Variants in ZNF292 observed in about 807,000 individuals in gnomAD.
ZNF292 encodes the protein 16 zinc-finger domain protein.
In ZNF292, 26 loss-of-function variants were observed where a neutral mutation model predicts 217.9. The observed-to-expected ratio is 0.12, with a 90% CI of 0.09 to 0.17. The LOEUF is 0.17. Ranked by LOEUF, ZNF292 falls within the 10% of genes least tolerant of loss-of-function variation. The pLI is 1.00. For missense variants in ZNF292, 2,904 were observed against 3,175.2 expected, an observed-to-expected ratio of 0.91 and a Z score of 2.05; for synonymous variants, 1,257 against 1,124.1, an observed-to-expected ratio of 1.12 and a Z score of -2.37.
intron 1 of ZNF292, among the ~76,000 whole-genome samples, chr6:87,210,503 T>G (rs540023030): frequency 1.3e-5 from 2 of 151,978 alleles, no homozygotes; most frequent in Non-Finnish European, 2.9e-5. Context: ...CAAATAACTT[T>G]GTGGGGATCT....
At position 87,170,815 on chromosome 6, in the gene ZNF292, G is replaced by A. The variant is rs1771073636; in HGVS notation, c.168+15056G>A. Among the ~76,000 whole-genome samples the A allele has an allele frequency of 2.0e-5, 3 of 152,178 alleles. No homozygotes were observed. In the South Asian group the frequency reaches 6.2e-4, roughly 32 times the overall value. On this transcript the variant is annotated intron_variant, in intron 1 of 7. Transcript: ENST00000369577. ...TTGGTTTTTTCACATATTGTTTATT[G>A]TGACCTTGGCATGCCACTTGTAGCT...
chr6:87,192,644 C>T (rs1771851501), intron 1 of ZNF292, among the ~76,000 whole-genome samples: 1 of 152,274 alleles, frequency 6.6e-6, no homozygotes, highest in African/African-American at 2.4e-5. Context: ...CACATATAGA[C>T]AATGCCTTTT....
chr6:87,237,120 GC>G (rs914388082), intron 5 of ZNF292, among the ~76,000 whole-genome samples: 2 of 152,134 alleles, frequency 1.3e-5, no homozygotes, highest in African/African-American at 4.8e-5. Flanking sequence ...ATATTTGCTA[GC>G]CCAAGAGTTA....
intron 5 of ZNF292, among the ~76,000 whole-genome samples, chr6:87,233,920 C>G (rs1320633570): frequency 6.6e-6 from 1 of 152,124 alleles, no homozygotes; most frequent in African/African-American, 2.4e-5. Context: ...TGACTTATCT[C>G]TGGAAATACT....
chr6:87,204,995 C>T (rs1214900418), intron 1 of ZNF292, among the ~76,000 whole-genome samples: 1 of 152,062 alleles, frequency 6.6e-6, no homozygotes, highest in Non-Finnish European at 1.5e-5. Context: ...TGAATTTTCC[C>T]ACTCTTCCTT....
intron 3 of ZNF292, 52 bp downstream of exon 3, chr6:87,216,429 CCTTA>C (rs1772780616): frequency 7.4e-7 from 1 of 1,342,952 alleles, no homozygotes; most frequent in Non-Finnish European, 1.0e-6. Context: ...TGTCAGTTTT[CCTTA>C]CTCTTAAAAA....
chr6:87,179,090 A>G (rs1771387919), intron 1 of ZNF292, among the ~76,000 whole-genome samples: 1 of 151,558 alleles, frequency 6.6e-6, no homozygotes, highest in South Asian at 2.1e-4. Context: ...CAATCTTTAA[A>G]TATTAATATA....
intron 1 of ZNF292, among the ~76,000 whole-genome samples, chr6:87,179,279 G>T (rs1771395584): frequency 6.7e-6 from 1 of 149,716 alleles, no homozygotes; most frequent in African/African-American, 2.5e-5. Context: ...TCCTGCCACA[G>T]CTTCCCGAGT....
rs750598483 is a variant in ZNF292, at chr6:87,260,577, G to A, written c.6948G>A (p.Arg2316=). Residue 2316 remains arginine, a synonymous_variant, in exon 8 of 8, where the codon CGG becomes CGA. Transcript: ENST00000369577. ...AAGAAAAATCAAAGTCTAAACATCG[G>A]GGGACCAAGCACAGCAGATGTGGAA... ...ANQEKSKSKH[R]GTKHSRCGKE... 4 of 1,612,936 alleles carry A rather than the reference G, an allele frequency of 2.5e-6. No homozygotes were observed. The highest frequency in any genetic ancestry group is 1.6e-4 in the Middle Eastern group (1 of 6,082).
intron 5 of ZNF292, among the ~76,000 whole-genome samples, chr6:87,242,105 A>C (rs1774321253): frequency 6.6e-6 from 1 of 152,232 alleles, no homozygotes; most frequent in South Asian, 2.1e-4. Flanking sequence ...AGTGTGTTTA[A>C]CATATTGTAG....
chr6:87,179,366 G>A (rs1177725804), intron 1 of ZNF292, among the ~76,000 whole-genome samples: 1 of 151,910 alleles, frequency 6.6e-6, no homozygotes, highest in East Asian at 1.9e-4. Flanking sequence ...TCACCATGTT[G>A]GCCAGGAGGG....
chr6:87,223,583 A>G (rs1364452743), intron 4 of ZNF292: 1 of 152,238 alleles, frequency 6.6e-6, no homozygotes, highest in Non-Finnish European at 1.5e-5. Flanking sequence ...CTGGAATTCT[A>G]CACAGGAGAT....
intron 4 of ZNF292, among the ~76,000 whole-genome samples, chr6:87,229,479 T>G (rs987239969): frequency 2.0e-5 from 3 of 152,072 alleles, no homozygotes; most frequent in African/African-American, 7.2e-5. Context: ...CAGGCTGGAG[T>G]GCAATGGCGC....
intron 7 of ZNF292, among the ~76,000 whole-genome samples, chr6:87,250,906 A>G (rs1470236422): frequency 6.6e-6 from 1 of 152,224 alleles, no homozygotes; most frequent in Non-Finnish European, 1.5e-5. Context: ...GCAATATTAT[A>G]TGGGTCTTTC....
chr6:87,155,800 G>C (rs769602511), intron 1 of ZNF292, 41 bp downstream of exon 1: 24 of 1,519,446 alleles, frequency 1.6e-5, no homozygotes, highest in Admixed American at 2.2e-5. Context: ...TCCCCAGCTA[G>C]AGGGGGAAGA....
Position 87,260,653 on chromosome 6 carries a change from G to C in ZNF292, c.7024G>C (p.Glu2342Gln). ...CAAACGAAAGAAAAAAAATAATTTA[G>C]AAAACAAGAATGCAAAGATTGTGCA... is the stretch of plus-strand genomic sequence containing the variant. Reference protein sequence around the residue: ...KTKRKKKNNLENKNAKIVQIE... With the variant: ...KTKRKKKNNLQNKNAKIVQIE... The change falls in exon 8 of 8, where the codon GAA becomes CAA. Residue 2342 changes from glutamate (E) to glutamine (Q), a missense_variant. Glu to Gln is a conservative substitution (Grantham distance 29). Around this residue, in one of 15 missense-constraint regions of ZNF292, gnomAD observed 101 missense variants for 89.5 expected, o/e 1.13. Transcript: ENST00000369577. 1.9e-6 allele frequency: 3 copies of C among 1,612,298 alleles called. No individual in the cohort carries two copies. Among genetic ancestry groups the C allele is most frequent in the Non-Finnish European group, 2.5e-6 (3 of 1,179,432 alleles).
chr6:87,179,297 A>G (rs1331019479), intron 1 of ZNF292, among the ~76,000 whole-genome samples: 1 of 151,320 alleles, frequency 6.6e-6, no homozygotes, highest in Non-Finnish European at 1.5e-5. Context: ...AGTAGCTGGG[A>G]TTACAGGTGT....
chr6:87,184,961 C>A (rs1771598310), intron 1 of ZNF292, among the ~76,000 whole-genome samples: 1 of 152,154 alleles, frequency 6.6e-6, no homozygotes, highest in African/African-American at 2.4e-5. Flanking sequence ...ATTGATGGTG[C>A]CACAGTGAGG....
intron 7 of ZNF292, among the ~76,000 whole-genome samples, chr6:87,245,969 A>G (rs1333709082): frequency 1.3e-5 from 2 of 152,234 alleles, no homozygotes; most frequent in Non-Finnish European, 2.9e-5. Flanking sequence ...GTGGTGGCTC[A>G]TGCCTGTAAT....
Sources: allele counts gnomAD v4.1 joint callset (sites outside exome capture counted in the v4.1 genomes callset), GRCh38; gene constraint gnomAD v4.1.1; regional missense constraint gnomAD v4.1.1; transcripts MANE v1.5; gene names NCBI Gene and HGNC (gene_info 2026-07-23, HGNC 2026-07-21).